The following GCGR variants were observed in gnomAD, a reference collection of about 807,000 sequenced individuals.
GCGR encodes glucagon receptor.
A neutral mutation model predicts 56.1 loss-of-function variants in GCGR; 41 were observed. That is an observed-to-expected ratio of 0.73 (90% CI 0.57 to 0.95). The LOEUF is 0.95. Among genes scored for constraint, GCGR ranks in the 40% least tolerant of loss-of-function variants. GCGR has a pLI of 0.00. For missense variants in GCGR, 595 were observed against 638.2 expected (o/e 0.93, Z 0.73); for synonymous variants, 278 against 271.1 (o/e 1.03, Z -0.25).
Position 81,810,804 on chromosome 17 carries a change from C to G in GCGR, c.164-21C>G. 1.3e-6 allele frequency: 2 copies of G among 1,535,776 alleles called. No individual in the cohort carries two copies. The highest frequency in any genetic ancestry group is 2.4e-5 in the South Asian group (2 of 84,050). On this transcript the variant is annotated intron_variant, in intron 3 of 13. Coordinates refer to ENST00000400723, the MANE Select transcript of GCGR (RefSeq NM_000160.5). The surrounding 1 kb of genome is among the most constrained non-coding windows in gnomAD (Gnocchi z 4.6). The stretch of plus-strand genomic sequence containing the variant: ...CCACCCTGCCCTGCCCTGCTCTGCC[C>G]TGCCCTACCCTACCCTGCAGAGCTG...
chr17:81,813,464 C>A lies in GCGR; in HGVS notation c.1219-10C>A, dbSNP rs1215792862. 1 of 1,534,156 alleles carries A rather than the reference C, an allele frequency of 6.5e-7. No individual in the cohort carries two copies. On this transcript the variant is annotated splice_polypyrimidine_tract_variant and intron_variant, in intron 13 of 13. Coordinates refer to ENST00000400723, the MANE Select transcript of GCGR (RefSeq NM_000160.5). The surrounding 1 kb of genome is among the most constrained non-coding windows in gnomAD (Gnocchi z 5.3). ...GCCCTAGGACTGGCCTGCCCCGTCCCCCTCCCCAGGTGCAGTCGGAGCTGC... is the reference window on the plus strand; with the variant it reads ...GCCCTAGGACTGGCCTGCCCCGTCCACCTCCCCAGGTGCAGTCGGAGCTGC...
Position 81,810,848 on chromosome 17 carries a change from G to C in GCGR, c.187G>C (p.Asp63His). The change falls in exon 4 of 14, where the codon GAC (aspartate) becomes CAC (histidine). Residue 63 changes from aspartate to histidine, a missense_variant. By Grantham distance (81) the Asp-to-His change is moderately conservative (BLOSUM62 -1). Transcript: ENST00000400723. This position sits in a 1 kb window ranked among gnomAD's most constrained non-coding sequence, Gnocchi z 4.6. Reference protein sequence around the residue: ...PTELVCNRTFDKYSCWPDTPA... With the variant: ...PTELVCNRTFHKYSCWPDTPA... ...AGAGCTGGTGTGCAACAGAACCTTC[G>C]ACAAGTATTCCTGCTGGCCGGACAC... 1.3e-6 allele frequency: 2 copies of C among 1,536,620 alleles called. No homozygotes were observed. The highest frequency in any genetic ancestry group is 1.7e-6 in the Non-Finnish European group (2 of 1,146,844).
At position 81,811,759 on chromosome 17, in the gene GCGR, G is replaced by A; in HGVS notation, c.766G>A (p.Ala256Thr). The A allele has an allele frequency of 6.5e-7, 1 of 1,539,686 alleles. No individual in the cohort carries two copies. The highest frequency in any genetic ancestry group is 2.0e-5 in the Admixed American group (1 of 51,208). Residue 256 changes from alanine to threonine, a missense_variant, in exon 8 of 14, where the codon GCC (alanine) becomes ACC (threonine). Coordinates refer to ENST00000400723, the MANE Select transcript of GCGR (RefSeq NM_000160.5). This position sits in a 1 kb window ranked among gnomAD's most constrained non-coding sequence, Gnocchi z 5.8. Reference sequence around the variant, plus strand: ...GTACCTGCACAACCTGCTGGGCCTGGCCACCCTCCCCGAGAGGAGCTTCTT... The same window carrying A: ...GTACCTGCACAACCTGCTGGGCCTGACCACCCTCCCCGAGAGGAGCTTCTT... ...GLYLHNLLGL[A>T]TLPERSFFSL... is the part of the protein sequence containing the mutation.
rs564038695 is a variant in GCGR, at chr17:81,811,345, G to A, written c.500+17G>A. 9.2e-5 allele frequency: 141 copies of A among 1,534,438 alleles called. 1 individual carries two copies. The South Asian group carries it at 1.5e-3, about 16-fold the overall frequency. On this transcript the variant is annotated intron_variant, in intron 6 of 13. Coordinates refer to ENST00000400723, the MANE Select transcript of GCGR (RefSeq NM_000160.5). This position sits in a 1 kb window ranked among gnomAD's most constrained non-coding sequence, Gnocchi z 5.8. ...GGGCCTCAGGTAGGATTCCGCCAGC[G>A]CCCGGGGCGGCCGCAGAGGACAGGG...
In GCGR at chr17:81,810,260, T is replaced by G; in HGVS notation, c.163+376T>G. 1 of 376,998 alleles carries G rather than the reference T, an allele frequency of 2.7e-6. No individual in the cohort carries two copies. The highest frequency in any genetic ancestry group is 5.1e-6 in the Non-Finnish European group (1 of 195,320). The allele number at this position is 376,998 out of a possible 1,614,324, so 23.4% of individuals were successfully genotyped here. On this transcript the variant is annotated intron_variant, in intron 3 of 13. Transcript: ENST00000400723. This position sits in a 1 kb window ranked among gnomAD's most constrained non-coding sequence, Gnocchi z 4.6. ...TGGGAGGGCTCGGGTGGAGAGTGTATATCATGGCCTGGACACTTGGGGTGC... is the reference window on the plus strand; with the variant it reads ...TGGGAGGGCTCGGGTGGAGAGTGTAGATCATGGCCTGGACACTTGGGGTGC...
rs2037965614 is a variant in GCGR, at chr17:81,806,355, C to T, written c.-178+2106C>T. On this transcript the variant is annotated intron_variant, in intron 1 of 13. Transcript: ENST00000400723. This position sits in a 1 kb window ranked among gnomAD's most constrained non-coding sequence, Gnocchi z 6.5. ...CCCTAGGGATCCGGGACTAGGGGTGCCCTATGGGGAGCCCACCTGTGGCCT... is the reference window on the plus strand; with the variant it reads ...CCCTAGGGATCCGGGACTAGGGGTGTCCTATGGGGAGCCCACCTGTGGCCT... 6.6e-6 allele frequency among the ~76,000 whole-genome samples: 1 copy of T among 152,154 alleles called. No homozygotes were observed. Among genetic ancestry groups the T allele is most frequent in the Admixed American group, 6.5e-5 (1 of 15,288 alleles).
rs902279512 is a variant in GCGR, at chr17:81,811,298, T to C, written c.470T>C (p.Leu157Pro). 3.9e-6 allele frequency: 6 copies of C among 1,535,544 alleles called. No individual in the cohort carries two copies. In the African/African-American group the frequency reaches 8.2e-5, roughly 21 times the overall value. The change falls in exon 6 of 14, where the codon CTC (leucine) becomes CCC (proline). Residue 157 changes from leucine to proline, a missense_variant. Transcript: ENST00000400723. The surrounding 1 kb of genome is among the most constrained non-coding windows in gnomAD (Gnocchi z 5.8). ...TACAGCCTGTCCCTGGGGGCCCTGC[T>C]CCTCGCCTTGGCCATCCTGGGGGGC... ...VGYSLSLGAL[L>P]LALAILGGLS...
chr17:81,805,218 G>A (rs2037930481), intron 1 of GCGR: 1 of 152,314 alleles, frequency 6.6e-6, no homozygotes, highest in Admixed American at 6.5e-5. Context: ...CACCCATCCT[G>A]GGGGCCCAGC....
At position 81,813,637 on chromosome 17, in the gene GCGR, C is replaced by G; in HGVS notation, c.1382C>G (p.Ala461Gly). The G allele has an allele frequency of 6.5e-7, 1 of 1,536,310 alleles. No individual in the cohort carries two copies. Among genetic ancestry groups the G allele is most frequent in the Non-Finnish European group, 8.7e-7 (1 of 1,146,814 alleles). The change falls in exon 14 of 14, where the codon GCG becomes GGG. Residue 461 changes from alanine (A) to glycine (G), a missense_variant. Coordinates refer to ENST00000400723, the MANE Select transcript of GCGR (RefSeq NM_000160.5). This position sits in a 1 kb window ranked among gnomAD's most constrained non-coding sequence, Gnocchi z 5.3. ...GRGGGSQDSS[A>G]ETPLAGGLPR... is the part of the protein sequence containing the mutation. ...GGTGGTGGCAGCCAGGATTCATCTG[C>G]GGAGACCCCCTTGGCTGGTGGCCTC...
rs371777245 is a variant in GCGR at position 81,812,616 on chromosome 17, G to A, written c.988G>A (p.Val330Met). 1.4e-5 allele frequency: 21 copies of A among 1,536,366 alleles called. No individual in the cohort carries two copies. The highest frequency in any genetic ancestry group is 2.4e-5 in the South Asian group (2 of 84,054). Residue 330 changes from valine (V) to methionine (M), a missense_variant, in exon 11 of 14, where the codon GTG becomes ATG. Transcript: ENST00000400723. This position sits in a 1 kb window ranked among gnomAD's most constrained non-coding sequence, Gnocchi z 8.5. ...CTTCGTCCGCATCGTTCAGCTGCTC[G>A]TGGCCAAGCTGCGGGCACGGCAGAT... ...FIFVRIVQLLVAKLRARQMHH... is the reference protein window; with the variant it reads ...FIFVRIVQLLMAKLRARQMHH...
In GCGR at chr17:81,811,941, C is replaced by T. The variant is rs756177909; in HGVS notation, c.873C>T (p.Asn291=). Residue 291 remains asparagine (N), a synonymous_variant, in exon 9 of 14, where the codon AAC becomes AAT. Coordinates refer to ENST00000400723, the MANE Select transcript of GCGR (RefSeq NM_000160.5). This position sits in a 1 kb window ranked among gnomAD's most constrained non-coding sequence, Gnocchi z 5.8. ...PWAVVKCLFE[N]VQCWTSNDNM... ...CAGTGGTCAAGTGTCTGTTCGAGAA[C>T]GTCCAGTGAGTATGAGCGGCTGGAC... 1.4e-5 allele frequency: 21 copies of T among 1,536,822 alleles called. No individual in the cohort carries two copies. The highest frequency in any genetic ancestry group is 8.3e-5 in the South Asian group (7 of 84,050).
rs1568254949 is a variant in GCGR, at chr17:81,813,314, G to T, written c.1219-160G>T. Among the ~76,000 whole-genome samples, 1 of 152,148 alleles carries T rather than the reference G, an allele frequency of 6.6e-6. No homozygotes were observed. Among genetic ancestry groups the T allele is most frequent in the Non-Finnish European group, 1.5e-5 (1 of 68,002 alleles). ...AGGTGTCTGCAGACTGCTTTCCGTG[G>T]CGATGCTGGGTGGCATAGCTGTGCC... is the stretch of plus-strand genomic sequence containing the variant. On this transcript the variant is annotated intron_variant, in intron 13 of 13. Transcript: ENST00000400723. This position sits in a 1 kb window ranked among gnomAD's most constrained non-coding sequence, Gnocchi z 5.3.
At position 81,813,568 on chromosome 17, in the gene GCGR, C is replaced by T. The variant is rs545914836; in HGVS notation, c.1313C>T (p.Ser438Leu). 2.3e-4 allele frequency: 357 copies of T among 1,536,418 alleles called. 1 individual carries two copies. The South Asian group carries it at 3.6e-3, about 16-fold the overall frequency. The change falls in exon 14 of 14, where the codon TCG becomes TTG. Residue 438 changes from serine (S) to leucine (L), a missense_variant. Physicochemically the swap from Ser to Leu is moderately radical, Grantham distance 145 (BLOSUM62 -2). Transcript: ENST00000400723. This position sits in a 1 kb window ranked among gnomAD's most constrained non-coding sequence, Gnocchi z 5.3. ...ACCAGCAACCACAGGGCCTCATCTT[C>T]GCCCGGCCACGGCCCTCCCAGCAAG... ...RNTSNHRASS[S>L]PGHGPPSKEL... is the part of the protein sequence containing the mutation.
rs1344849884 is a variant in GCGR, at chr17:81,811,202, C to T, written c.394-20C>T. On this transcript the variant is annotated intron_variant, in intron 5 of 13. Coordinates refer to ENST00000400723, the MANE Select transcript of GCGR (RefSeq NM_000160.5). The surrounding 1 kb of genome is among the most constrained non-coding windows in gnomAD (Gnocchi z 5.8). ...CATGGGGGCCCCTGCCTGGCCCTCA[C>T]AGGCCACTGTAACTCGCAGAAGGAG... is the stretch of plus-strand genomic sequence containing the variant. 6.5e-7 allele frequency: 1 copy of T among 1,536,158 alleles called. No individual in the cohort carries two copies. The highest frequency in any genetic ancestry group is 8.7e-7 in the Non-Finnish European group (1 of 1,146,810).
chr17:81,808,770 C>T (rs1460901129), intron 1 of GCGR, 72 bp from the exon 2 acceptor site: 19 of 569,820 alleles, frequency 3.3e-5, no homozygotes, highest in African/African-American at 2.4e-4. Flanking sequence ...CCACCCCCCT[C>T]GGCCTCCCAA....
In GCGR at chr17:81,813,618, G is replaced by C. The variant is rs1396876164; in HGVS notation, c.1363G>C (p.Gly455Arg). ...SKELQFGRGG[G>R]SQDSSAETPL... ...GGAGCTGCAGTTTGGGAGGGGTGGT[G>C]GCAGCCAGGATTCATCTGCGGAGAC... Residue 455 changes from glycine to arginine, a missense_variant, in exon 14 of 14, where the codon GGC becomes CGC. By Grantham distance (125) the Gly-to-Arg change is moderately radical. Coordinates refer to ENST00000400723, the MANE Select transcript of GCGR (RefSeq NM_000160.5). The surrounding 1 kb of genome is among the most constrained non-coding windows in gnomAD (Gnocchi z 5.3). The C allele has an allele frequency of 1.2e-5, 19 of 1,536,348 alleles. No homozygotes were observed. The highest frequency in any genetic ancestry group is 1.7e-5 in the Non-Finnish European group (19 of 1,146,858).
Position 81,813,608 on chromosome 17 carries a change from G to A in GCGR, c.1353G>A (p.Gly451=). ...HGPPSKELQF[G]RGGGSQDSSA... ...CTCCCAGCAAGGAGCTGCAGTTTGGGAGGGGTGGTGGCAGCCAGGATTCAT... is the reference window on the plus strand; with the variant it reads ...CTCCCAGCAAGGAGCTGCAGTTTGGAAGGGGTGGTGGCAGCCAGGATTCAT... The change falls in exon 14 of 14, where the codon GGG becomes GGA. Residue 451 remains glycine (G), a synonymous_variant. Coordinates refer to ENST00000400723, the MANE Select transcript of GCGR (RefSeq NM_000160.5). This position sits in a 1 kb window ranked among gnomAD's most constrained non-coding sequence, Gnocchi z 5.3. 1 of 1,536,566 alleles carries A rather than the reference G, an allele frequency of 6.5e-7. No homozygotes were observed. Among genetic ancestry groups the A allele is most frequent in the Non-Finnish European group, 8.7e-7 (1 of 1,146,856 alleles).
In GCGR at chr17:81,811,209, C is replaced by A; in HGVS notation, c.394-13C>A. ...GCCCCTGCCTGGCCCTCACAGGCCA[C>A]TGTAACTCGCAGAAGGAGGTGGCCA... On this transcript the variant is annotated splice_polypyrimidine_tract_variant and intron_variant, in intron 5 of 13. Transcript: ENST00000400723. The surrounding 1 kb of genome is among the most constrained non-coding windows in gnomAD (Gnocchi z 5.8). The A allele has an allele frequency of 6.5e-7, 1 of 1,536,238 alleles. No individual in the cohort carries two copies. The highest frequency in any genetic ancestry group is 8.7e-7 in the Non-Finnish European group (1 of 1,146,816).
chr17:81,812,886 G>A lies in GCGR; in HGVS notation c.1117G>A (p.Ala373Thr), dbSNP rs1439063828. ...CTTCGCCTTCGTGACGGACGAGCAC[G>A]CCCAGGGCACCCTGCGCTCCGCCAA... ...VVFAFVTDEHAQGTLRSAKLF... is the reference protein window; with the variant it reads ...VVFAFVTDEHTQGTLRSAKLF... Residue 373 changes from alanine to threonine, a missense_variant, in exon 12 of 14, where the codon GCC (alanine) becomes ACC (threonine). Physicochemically the swap from Ala to Thr is moderately conservative, Grantham distance 58 (BLOSUM62 0). Transcript: ENST00000400723. This position sits in a 1 kb window ranked among gnomAD's most constrained non-coding sequence, Gnocchi z 8.5. 42 of 1,536,094 alleles carry A rather than the reference G, an allele frequency of 2.7e-5. No individual in the cohort carries two copies. Among genetic ancestry groups the A allele is most frequent in the Admixed American group, 1.2e-4 (6 of 50,996 alleles).
Sources: allele counts gnomAD v4.1 joint callset (sites outside exome capture counted in the v4.1 genomes callset), GRCh38; gene constraint gnomAD v4.1.1; non-coding constraint Gnocchi (gnomAD v3.1); transcripts MANE v1.5; gene names NCBI Gene and HGNC (gene_info 2026-07-23, HGNC 2026-07-21).